Variants in LRP1B observed in about 807,000 individuals in gnomAD.
LRP1B encodes the protein LDL receptor related protein 1B.
In LRP1B, 217 loss-of-function variants were observed where a neutral mutation model predicts 556.6. That is an observed-to-expected ratio of 0.39 (90% CI 0.35 to 0.44). LRP1B has a LOEUF of 0.44. Among genes scored for constraint, LRP1B ranks in the 20% least tolerant of loss-of-function variants. The probability of loss-of-function intolerance (pLI) is 1.00; values close to 1 mark genes in which losing one functional copy is unlikely to be tolerated. For synonymous variants in LRP1B, 2,047 were observed against 1,865.8 expected (o/e 1.10, Z -2.50); for missense variants, 5,053 against 5,620.8 (o/e 0.90, Z 3.23).
chr2:141,040,861 A>G (rs1376066601), intron 11 of LRP1B, among the ~76,000 whole-genome samples: 2 of 152,080 alleles, frequency 1.3e-5, no homozygotes, highest in Non-Finnish European at 2.9e-5. Flanking sequence ...CTGTCCTTTC[A>G]TAGTATGTGA....
chr2:141,849,790 C>T (rs1440607203), intron 1 of LRP1B, among the ~76,000 whole-genome samples: 1 of 151,586 alleles, frequency 6.6e-6, no homozygotes, highest in African/African-American at 2.4e-5. Context: ...TCCCTAGCCA[C>T]ATCACAACTT....
At chr2:141,995,340 C>T (rs1173137517) in intron 1 of LRP1B, among the ~76,000 whole-genome samples, 5 of 152,138 alleles carry the variant, frequency 3.3e-5, no homozygotes, top group Non-Finnish European at 5.9e-5. Flanking sequence ...CCATCTTTGA[C>T]ACAAAGAATG....
At chr2:140,883,559 G>GA (rs35055775) in intron 25 of LRP1B, among the ~76,000 whole-genome samples, 26,265 of 131,662 alleles carry the variant, frequency 0.2, 2,455 homozygotes, top group Non-Finnish European at 0.23. Flanking sequence ...CCCACATTTA[G>GA]AAAAAAAAAA....
chr2:141,889,410 A>G (rs1699214827), intron 1 of LRP1B, among the ~76,000 whole-genome samples: 1 of 152,134 alleles, frequency 6.6e-6, no homozygotes, highest in Non-Finnish European at 1.5e-5. Context: ...AATTTATGTG[A>G]TTTTCTAGAG....
intron 2 of LRP1B, among the ~76,000 whole-genome samples, chr2:141,730,216 C>T (rs556701440): frequency 3.9e-5 from 6 of 152,208 alleles, no homozygotes; most frequent in East Asian, 1.9e-4. Context: ...GTGCAAGAGA[C>T]GGAGAAGAGG....
At chr2:140,392,151 T>C (rs1466359436) in intron 66 of LRP1B, among the ~76,000 whole-genome samples, 1 of 152,130 alleles carries the variant, frequency 6.6e-6, no homozygotes, top group Non-Finnish European at 1.5e-5. Flanking sequence ...GAGAATTACA[T>C]CAGGCAAACC....
chr2:140,843,072 TTTTTTTTTGTTTG>T lies in LRP1B; in HGVS notation c.4940-1993_4940-1981del, dbSNP rs1559151556. ...TCCAAAGTGGTTTTTTTTTTGTTTT[TTTTTTTTTGTTTG>T]TTTTTTTTTTTTTTGTTTTTTTTTT... On this transcript the variant is annotated intron_variant, in intron 29 of 90. Coordinates refer to ENST00000389484, the MANE Select transcript of LRP1B (RefSeq NM_018557.3). Among the ~76,000 whole-genome samples, 12 of 34,234 alleles carry T rather than the reference TTTTTTTTTGTTTG, an allele frequency of 3.5e-4. 1 individual carries two copies. In the South Asian group the frequency reaches 4.3e-3, roughly 12 times the overall value. The allele number at this position is 34,234 out of a possible 152,430, so 22.5% of individuals were successfully genotyped here.
chr2:141,955,027 T>A lies in LRP1B; in HGVS notation c.83-144626A>T, dbSNP rs1023174831. ...TCCATCAAGAGATGCTATAAGAACATAAAAGCATTGGAAAAGACAACAGAC... is the reference window on the plus strand; with the variant it reads ...TCCATCAAGAGATGCTATAAGAACAAAAAAGCATTGGAAAAGACAACAGAC... On this transcript the variant is annotated intron_variant, in intron 1 of 90. Coordinates refer to ENST00000389484, the MANE Select transcript of LRP1B (RefSeq NM_018557.3). 9.9e-5 allele frequency among the ~76,000 whole-genome samples: 15 copies of A among 152,176 alleles called. No homozygotes were observed. In the South Asian group the frequency reaches 1.2e-3, roughly 13 times the overall value.
intron 2 of LRP1B, among the ~76,000 whole-genome samples, chr2:141,780,070 A>T (rs896313856): frequency 6.6e-6 from 1 of 150,488 alleles, no homozygotes; most frequent in African/African-American, 2.5e-5. Flanking sequence ...GATAATTTGC[A>T]TATAAACAAA....
intron 1 of LRP1B, among the ~76,000 whole-genome samples, chr2:142,064,980 G>A (rs564324837): frequency 1.3e-5 from 1 of 75,742 alleles, no homozygotes; most frequent in East Asian, 4.5e-4. Context: ...TAATATAGAG[G>A]AGAGTGAAAA....
chr2:140,801,204 T>C (rs951739467), intron 32 of LRP1B, among the ~76,000 whole-genome samples: 4 of 152,296 alleles, frequency 2.6e-5, no homozygotes, highest in Non-Finnish European at 5.9e-5. Context: ...TCGTACATGA[T>C]TATTTTAGGA....
chr2:140,644,336 T>C (rs1457503421), intron 41 of LRP1B, among the ~76,000 whole-genome samples: 1 of 152,160 alleles, frequency 6.6e-6, no homozygotes, highest in East Asian at 1.9e-4. Flanking sequence ...TCTTATGGCT[T>C]TATGTTAATA....
chr2:140,334,071 C>G (rs1680952504), intron 79 of LRP1B, among the ~76,000 whole-genome samples: 1 of 151,650 alleles, frequency 6.6e-6, no homozygotes, highest in South Asian at 2.1e-4. Flanking sequence ...TATATTTAGC[C>G]ACCTATTTGT....
chr2:141,799,485 AACC>A (rs1695931974), intron 2 of LRP1B, among the ~76,000 whole-genome samples: 1 of 152,100 alleles, frequency 6.6e-6, no homozygotes, highest in Non-Finnish European at 1.5e-5. Flanking sequence ...TGCAGCTGAC[AACC>A]AGAAAGAAAA....
rs543608540 is a variant in LRP1B at position 141,299,973 on chromosome 2, G to A, written c.344-45332C>T. 5.5e-4 allele frequency among the ~76,000 whole-genome samples: 83 copies of A among 152,230 alleles called. No individual in the cohort carries two copies. In the South Asian group the frequency reaches 0.016, roughly 30 times the overall value. Reference sequence around the variant, plus strand: ...GATGGCATTAGGACATGAGTCCTTTGGGGGATAATTTATGTCTTGAGGGTG... The same window carrying A: ...GATGGCATTAGGACATGAGTCCTTTAGGGGATAATTTATGTCTTGAGGGTG... On this transcript the variant is annotated intron_variant, in intron 3 of 90. Transcript: ENST00000389484.
intron 57 of LRP1B, among the ~76,000 whole-genome samples, chr2:140,488,014 C>T (rs116364646): frequency 2.8e-3 from 429 of 151,786 alleles, no homozygotes; most frequent in African/African-American, 9.4e-3. Context: ...TAGCCAGTAA[C>T]GTGAAAATAA....
In LRP1B at chr2:141,677,722, C is replaced by G. The variant is rs164977; in HGVS notation, c.205+132557G>C. Among the ~76,000 whole-genome samples, 7 of 152,118 alleles carry G rather than the reference C, an allele frequency of 4.6e-5. No homozygotes were observed. In the South Asian group the frequency reaches 1.2e-3, roughly 27 times the overall value. ...CAGGCTGGTCTCAAACTCCTGACCT[C>G]GGGTGATCCGCCCGCCTTGGCCTCC... On this transcript the variant is annotated intron_variant, in intron 2 of 90. Transcript: ENST00000389484.
At chr2:141,602,437 C>A (rs1687782350) in intron 2 of LRP1B, among the ~76,000 whole-genome samples, 1 of 152,020 alleles carries the variant, frequency 6.6e-6, no homozygotes, top group African/African-American at 2.4e-5. Flanking sequence ...CTCAAACAGG[C>A]AAAGATATTT....
At chr2:140,233,476 A>T (rs903195355) in intron 90 of LRP1B, 150 bp from the exon 91 acceptor site, 1 of 509,474 alleles carries the variant, frequency 2.0e-6, no homozygotes, top group Admixed American at 3.9e-5. Context: ...GGTTATTTAC[A>T]TGTTACATTT....
Sources: allele counts gnomAD v4.1 joint callset (sites outside exome capture counted in the v4.1 genomes callset), GRCh38; gene constraint gnomAD v4.1.1; transcripts MANE v1.5; gene names NCBI Gene and HGNC (gene_info 2026-07-23, HGNC 2026-07-21).